The following KTN1 variants were observed in gnomAD, a reference collection of about 807,000 sequenced individuals.
The protein encoded by KTN1 is kinectin 1, also known as kinectin.
In KTN1, 130 loss-of-function variants were observed where a neutral mutation model predicts 222.5. That is an observed-to-expected ratio of 0.58 (90% CI 0.51 to 0.68). The LOEUF is 0.68. Among genes scored for constraint, KTN1 ranks in the 30% least tolerant of loss-of-function variants. The pLI, the probability that KTN1 is intolerant of heterozygous loss-of-function variation, is 0.00. For missense variants in KTN1, 1,508 were observed against 1,500.4 expected (o/e 1.01, Z -0.08); for synonymous variants, 512 against 496.3 (o/e 1.03, Z -0.42).
At chr14:55,636,090 T>C (rs1385019858) in intron 9 of KTN1, among the ~76,000 whole-genome samples, 3 of 152,204 alleles carry the variant, frequency 2.0e-5, no homozygotes, top group Non-Finnish European at 2.9e-5. Flanking sequence ...AAAGACACCA[T>C]CCTGTCCTTC....
At chr14:55,618,748 A>G (rs200997569) in intron 4 of KTN1, among the ~76,000 whole-genome samples, 7 of 152,124 alleles carry the variant, frequency 4.6e-5, no homozygotes, top group Non-Finnish European at 1.0e-4. Flanking sequence ...CCTTTTTACA[A>G]TTATCTTAGA....
intron 3 of KTN1, 57 bp from the exon 4 acceptor site, chr14:55,617,907 T>C: frequency 2.5e-6 from 3 of 1,223,758 alleles, no homozygotes; most frequent in Non-Finnish European, 3.4e-6. Context: ...TGCTTGCATG[T>C]CATTTACTCT....
chr14:55,654,507 G>C (rs1182907774), intron 28 of KTN1, among the ~76,000 whole-genome samples: 1 of 151,036 alleles, frequency 6.6e-6, no homozygotes, highest in Non-Finnish European at 1.5e-5. Flanking sequence ...GACCATTAAA[G>C]TAGGTAATTT....
intron 1 of KTN1, among the ~76,000 whole-genome samples, chr14:55,595,197 A>G (rs997960877): frequency 6.6e-6 from 1 of 152,244 alleles, no homozygotes; most frequent in Non-Finnish European, 1.5e-5. Context: ...ATGGGAAATA[A>G]TTACGTTGAA....
intron 33 of KTN1, among the ~76,000 whole-genome samples, chr14:55,664,931 A>G (rs958695086): frequency 4.6e-5 from 7 of 152,096 alleles, no homozygotes; most frequent in Non-Finnish European, 1.0e-4. Context: ...ACTCTATTGA[A>G]TCTTTAATAT....
intron 1 of KTN1, among the ~76,000 whole-genome samples, chr14:55,580,918 C>T (rs2031361495): frequency 6.6e-6 from 1 of 152,224 alleles, no homozygotes; most frequent in Non-Finnish European, 1.5e-5. Context: ...CGGCGCCCCT[C>T]CCGCTGCCCT....
chr14:55,654,388 C>T (rs2043244836), intron 28 of KTN1, among the ~76,000 whole-genome samples: 1 of 152,050 alleles, frequency 6.6e-6, no homozygotes, highest in Non-Finnish European at 1.5e-5. Flanking sequence ...CTCATTTGTA[C>T]AATTATTGTT....
intron 29 of KTN1, among the ~76,000 whole-genome samples, chr14:55,658,101 G>A (rs1738633993): frequency 2.0e-5 from 3 of 152,062 alleles, no homozygotes; most frequent in Admixed American, 2.0e-4. Context: ...TCCCCAGGGG[G>A]ACATTTGTCA....
At chr14:55,660,339 A>G (rs991030909) in intron 31 of KTN1, among the ~76,000 whole-genome samples, 2 of 151,660 alleles carry the variant, frequency 1.3e-5, no homozygotes, top group African/African-American at 4.8e-5. Context: ...CCTGGCACCA[A>G]GAAAAAAAAA....
In KTN1 at chr14:55,612,062, A is replaced by G; in HGVS notation, c.14A>G (p.Glu5Gly). Residue 5 changes from glutamate to glycine, a missense_variant, in exon 2 of 44, where the codon GAG (glutamate) becomes GGG (glycine). Transcript: ENST00000395314. ...GACAAAAGTACCATGGAGTTTTATG[A>G]GTCAGCATATTTTATTGTTCTTATT... MEFY[E>G]SAYFIVLIPS... The G allele has an allele frequency of 6.8e-7, 1 of 1,474,364 alleles. No homozygotes were observed. The highest frequency in any genetic ancestry group is 1.4e-5 in the African/African-American group (1 of 69,052). The allele number at this position is 1,474,364 out of a possible 1,614,324, so 91.3% of individuals were successfully genotyped here. A position where few individuals can be genotyped will look rare whatever the true frequency, so the allele number is the denominator to read the frequency against.
chr14:55,646,477 TTCC>T (rs2042338200), intron 18 of KTN1, among the ~76,000 whole-genome samples: 1 of 59,346 alleles, frequency 1.7e-5, no homozygotes. Flanking sequence ...TTCCTTTCCT[TTCC>T]TTTCCTTTCC....
Position 55,667,275 on chromosome 14 carries a change from A to G in KTN1, c.3212A>G (p.Glu1071Gly). 1 of 1,606,968 alleles carries G rather than the reference A, an allele frequency of 6.2e-7. No individual in the cohort carries two copies. Residue 1071 changes from glutamate (E) to glycine (G), a missense_variant, in exon 34 of 44, where the codon GAG (glutamate) becomes GGG (glycine). Physicochemically the swap from Glu to Gly is moderately conservative, Grantham distance 98. Transcript: ENST00000395314. ...RQQQVEAVEL[E>G]AKEVLKKLFP... The stretch of plus-strand genomic sequence containing the variant: ...CAACAGGTGGAAGCTGTTGAGTTGG[A>G]GGCTAAAGAAGTTCTCAAAAAATTA...
chr14:55,598,826 C>G (rs1307529144), intron 1 of KTN1, among the ~76,000 whole-genome samples: 1 of 152,168 alleles, frequency 6.6e-6, no homozygotes, highest in African/African-American at 2.4e-5. Flanking sequence ...GTTTAAATAT[C>G]TTTTATTCTG....
chr14:55,638,369 A>T (rs573968877), intron 12 of KTN1, among the ~76,000 whole-genome samples: 221 of 151,998 alleles, frequency 1.5e-3, no homozygotes, highest in African/African-American at 5.0e-3. Flanking sequence ...GTCTTTATAA[A>T]TAATATAAAG....
At chr14:55,663,232 C>T (rs1044765764) in intron 32 of KTN1, 11 of 191,438 alleles carry the variant, frequency 5.7e-5, no homozygotes, top group African/African-American at 2.1e-4. Flanking sequence ...TTAGATTTCT[C>T]ATTCTGAAAA....
chr14:55,616,805 C>A (rs985021782), intron 3 of KTN1, 151 bp downstream of exon 3: 3 of 615,606 alleles, frequency 4.9e-6, no homozygotes, highest in South Asian at 2.9e-5. Context: ...TTATCTTTAG[C>A]CTTATGACTT....
At chr14:55,681,825 T>G (rs1167721938) in intron 43 of KTN1, 1 of 152,160 alleles carries the variant, frequency 6.6e-6, no homozygotes, top group African/African-American at 2.4e-5. Flanking sequence ...CTTGTGTACT[T>G]ATGTTTTGGT....
At position 55,624,726 on chromosome 14, in the gene KTN1, C is replaced by T. The variant is rs149187576; in HGVS notation, c.964-3186C>T. ...GCAAGGAAAATCACCATGAAAGATA[C>T]TGAAGAGGAGCGAAGTGGTGGGAGG... On this transcript the variant is annotated intron_variant, in intron 5 of 43. Coordinates refer to ENST00000395314, the MANE Select transcript of KTN1 (RefSeq NM_001079521.2). Among the ~76,000 whole-genome samples the T allele has an allele frequency of 3.1e-3, 467 of 152,194 alleles. 3 individuals are homozygous for T. The highest frequency in any genetic ancestry group is 8.3e-3 in the Admixed American group (127 of 15,290).
intron 1 of KTN1, among the ~76,000 whole-genome samples, chr14:55,606,774 A>G (rs2036789005): frequency 6.6e-6 from 1 of 152,172 alleles, no homozygotes; most frequent in Admixed American, 6.5e-5. Context: ...GTGCAATTTT[A>G]AAAGTTGAAC....
Sources: allele counts gnomAD v4.1 joint callset (sites outside exome capture counted in the v4.1 genomes callset), GRCh38; gene constraint gnomAD v4.1.1; transcripts MANE v1.5; gene names NCBI Gene and HGNC (gene_info 2026-07-23, HGNC 2026-07-21).